Variants in SLC24A2 observed in about 807,000 individuals in gnomAD.
The protein encoded by SLC24A2 is solute carrier family 24 member 2, also known as sodium/potassium/calcium exchanger 2.
A neutral mutation model predicts 62.0 loss-of-function variants in SLC24A2; 36 were observed. The observed-to-expected ratio is 0.58, with a 90% CI of 0.44 to 0.77. The LOEUF is 0.77. Among genes scored for constraint, SLC24A2 ranks in the 30% least tolerant of loss-of-function variants. The pLI, the probability that SLC24A2 is intolerant of heterozygous loss-of-function variation, is 0.00. For synonymous variants in SLC24A2, 358 were observed against 294.0 expected, an observed-to-expected ratio of 1.22 and a Z score of -2.23; for missense variants, 846 against 817.9, an observed-to-expected ratio of 1.03 and a Z score of -0.42.
the SLC24A2 span, among the ~76,000 whole-genome samples, chr9:19,970,781 G>C: frequency 6.6e-6 from 1 of 152,160 alleles, no homozygotes; most frequent in Non-Finnish European, 1.5e-5. Flanking sequence ...ATTCTACAGA[G>C]TCTGTTTAAA....
the SLC24A2 span, among the ~76,000 whole-genome samples, chr9:20,250,404 A>G: frequency 7.2e-5 from 11 of 152,204 alleles, no homozygotes; most frequent in East Asian, 1.7e-3. Context: ...GACATCACCA[A>G]TCAACAGCTC....
chr9:19,668,261 T>C (rs1238124290), intron 2 of SLC24A2, among the ~76,000 whole-genome samples: 1 of 152,188 alleles, frequency 6.6e-6, no homozygotes, highest in East Asian at 1.9e-4. Flanking sequence ...CTTTGTCTTA[T>C]AGATGAGAAC....
chr9:20,159,295 C>T, the SLC24A2 span, among the ~76,000 whole-genome samples: 1 of 151,578 alleles, frequency 6.6e-6, no homozygotes, highest in Non-Finnish European at 1.5e-5. Context: ...TCAGACCTGC[C>T]TACACACACA....
intron 2 of SLC24A2, among the ~76,000 whole-genome samples, chr9:19,766,500 A>G (rs1424839533): frequency 1.3e-5 from 2 of 151,884 alleles, no homozygotes; most frequent in South Asian, 2.1e-4. Flanking sequence ...CATCCTTTTT[A>G]TTGATGTTGA....
chr9:20,148,128 T>G, the SLC24A2 span, among the ~76,000 whole-genome samples: 12 of 151,958 alleles, frequency 7.9e-5, no homozygotes, highest in Non-Finnish European at 1.5e-4. Flanking sequence ...ACTGTCCGGA[T>G]AAGTATACTC....
chr9:19,865,345 A>G, the SLC24A2 span, among the ~76,000 whole-genome samples: 1 of 152,016 alleles, frequency 6.6e-6, no homozygotes, highest in Non-Finnish European at 1.5e-5. Context: ...CTAAAAATCA[A>G]TCCCAAATTT....
intron 4 of SLC24A2, among the ~76,000 whole-genome samples, chr9:19,610,110 T>C (rs1837110173): frequency 6.6e-6 from 1 of 152,194 alleles, no homozygotes; most frequent in Admixed American, 6.5e-5. Flanking sequence ...CCTACTCCTA[T>C]GTTTCTTAAG....
chr9:20,176,264 G>A, the SLC24A2 span, among the ~76,000 whole-genome samples: 1 of 151,984 alleles, frequency 6.6e-6, no homozygotes, highest in Non-Finnish European at 1.5e-5. Context: ...CCATTTCTGA[G>A]TATAATATCT....
chr9:19,728,369 G>T (rs551574604), intron 2 of SLC24A2, among the ~76,000 whole-genome samples: 2 of 151,888 alleles, frequency 1.3e-5, no homozygotes, highest in African/African-American at 4.8e-5. Context: ...TGAAAGGAAT[G>T]ATATCTCATA....
chr9:19,972,531 TG>T, the SLC24A2 span, among the ~76,000 whole-genome samples: 359 of 152,294 alleles, frequency 2.4e-3, 1 homozygote, highest in South Asian at 6.0e-3. Flanking sequence ...ATTCGAAGTG[TG>T]ATTCCTGGAC....
the SLC24A2 span, among the ~76,000 whole-genome samples, chr9:20,037,829 G>C: frequency 2.6e-5 from 4 of 152,158 alleles, no homozygotes; most frequent in African/African-American, 9.7e-5. Context: ...GGGGGCCAGG[G>C]ATGCTGCAAA....
chr9:19,928,829 T>G, the SLC24A2 span: 1 of 152,310 alleles, frequency 6.6e-6, no homozygotes, highest in East Asian at 1.9e-4. Flanking sequence ...TACCATGGAT[T>G]TATCTTCAGG....
intron 7 of SLC24A2, among the ~76,000 whole-genome samples, chr9:19,561,651 T>G (rs748449872): frequency 6.6e-6 from 1 of 151,398 alleles, no homozygotes; most frequent in Non-Finnish European, 1.5e-5. Flanking sequence ...AGGATGGTCT[T>G]GACCTCCTGA....
At chr9:19,945,774 G>C in the SLC24A2 span, among the ~76,000 whole-genome samples, 1 of 152,188 alleles carries the variant, frequency 6.6e-6, no homozygotes, top group East Asian at 1.9e-4. Context: ...TCAACTAGCT[G>C]CTGATAATTA....
At chr9:19,548,761 C>T (rs1834701413) in intron 8 of SLC24A2, among the ~76,000 whole-genome samples, 1 of 152,232 alleles carries the variant, frequency 6.6e-6, no homozygotes, top group African/African-American at 2.4e-5. Context: ...GAGTCAGCCC[C>T]TGCAGCATGG....
the SLC24A2 span, among the ~76,000 whole-genome samples, chr9:19,945,244 G>A: frequency 1.3e-5 from 2 of 152,044 alleles, no homozygotes; most frequent in Non-Finnish European, 2.9e-5. Context: ...GCAGGACCAG[G>A]CTCTTCTAGC....
At chr9:20,097,903 G>C in the SLC24A2 span, among the ~76,000 whole-genome samples, 5,788 of 151,144 alleles carry the variant, frequency 0.038, 136 homozygotes, top group South Asian at 0.1. Flanking sequence ...ACACCACGCC[G>C]GGCTAATTTT....
the SLC24A2 span, among the ~76,000 whole-genome samples, chr9:19,813,666 G>A: frequency 6.6e-6 from 1 of 151,984 alleles, no homozygotes; most frequent in Non-Finnish European, 1.5e-5. Context: ...CTGAATGTTT[G>A]CATCCCCTCA....
At chr9:19,928,451 A>G in the SLC24A2 span, 1 of 151,974 alleles carries the variant, frequency 6.6e-6, no homozygotes. Context: ...CCCAGCTCAT[A>G]CTCTTCATAG....
Sources: allele counts gnomAD v4.1 joint callset (sites outside exome capture counted in the v4.1 genomes callset), GRCh38; gene constraint gnomAD v4.1.1; transcripts MANE v1.5; gene names NCBI Gene and HGNC (gene_info 2026-07-23, HGNC 2026-07-21).